Variants in OR2T6 observed in about 807,000 individuals in gnomAD.
OR2T6 encodes olfactory receptor 2T6.
For synonymous variants in OR2T6, 174 were observed against 148.0 expected, an observed-to-expected ratio of 1.18 and a Z score of -1.27; for missense variants, 424 against 391.6, an observed-to-expected ratio of 1.08 and a Z score of -0.70.
In OR2T6 at chr1:248,387,714, T is replaced by A; in HGVS notation, c.106T>A (p.Phe36Ile). The A allele has an allele frequency of 6.2e-7, 1 of 1,613,872 alleles. No individual in the cohort carries two copies. Among genetic ancestry groups the A allele is most frequent in the Non-Finnish European group, 8.5e-7 (1 of 1,179,850 alleles). The part of the protein sequence containing the change: ...FFFGVICAVF[F>I]MAMIANGVMI... ...TTTCGGTGTCATTTGTGCCGTCTTC[T>A]TCATGGCCATGATAGCTAATGGGGT... is the stretch of plus-strand genomic sequence containing the variant. Residue 36 changes from phenylalanine to isoleucine, a missense_variant, in exon 3 of 3, where the codon TTC (phenylalanine) becomes ATC (isoleucine). Physicochemically the swap from Phe to Ile is conservative, Grantham distance 21. Transcript: ENST00000641644.
chr1:248,379,110 G>A (rs1052225796), intron 1 of OR2T6, among the ~76,000 whole-genome samples: 2 of 152,166 alleles, frequency 1.3e-5, no homozygotes, highest in Admixed American at 6.6e-5. Flanking sequence ...AAAAGGTTGA[G>A]GCTACAATGA....
intron 2 of OR2T6, among the ~76,000 whole-genome samples, chr1:248,386,065 C>T (rs1351625378): frequency 1.3e-5 from 2 of 152,108 alleles, no homozygotes; most frequent in Non-Finnish European, 2.9e-5. Context: ...ATTGAGCAAC[C>T]CCCTACTCCA....
chr1:248,387,827 C>T lies in OR2T6; in HGVS notation c.219C>T (p.Tyr73=), dbSNP rs61736241. The change falls in exon 3 of 3, where the codon TAC becomes TAT. Residue 73 remains tyrosine, a synonymous_variant. Transcript: ENST00000641644. ...ACCTCTCCGTCATTGACACATTATA[C>T]ATCTCCACCATTGTGCCCAAGATGC... ...LSHLSVIDTL[Y]ISTIVPKMLV... 3.9e-4 allele frequency: 626 copies of T among 1,605,588 alleles called. 5 individuals are homozygous for T. The African/African-American group carries it at 7.0e-3, about 18-fold the overall frequency.
intron 1 of OR2T6, among the ~76,000 whole-genome samples, chr1:248,377,396 C>T (rs972630663): frequency 6.6e-6 from 1 of 152,126 alleles, no homozygotes; most frequent in Admixed American, 6.5e-5. Flanking sequence ...GATGTATAGA[C>T]CACCTAATAC....
chr1:248,381,383 C>T (rs1040193910), intron 1 of OR2T6, among the ~76,000 whole-genome samples: 2 of 151,762 alleles, frequency 1.3e-5, no homozygotes, highest in African/African-American at 4.8e-5. Context: ...AGCCCTTTGC[C>T]CTGTATGTTC....
rs750244275 is a variant in OR2T6, at chr1:248,387,718, T to C, written c.110T>C (p.Met37Thr). The change falls in exon 3 of 3, where the codon ATG becomes ACG. Residue 37 changes from methionine (M) to threonine (T), a missense_variant. Physicochemically the swap from Met to Thr is moderately conservative, Grantham distance 81. Coordinates refer to ENST00000641644, the MANE Select transcript of OR2T6 (RefSeq NM_001005471.2). Reference sequence around the variant, plus strand: ...GGTGTCATTTGTGCCGTCTTCTTCATGGCCATGATAGCTAATGGGGTCATG... The same window carrying C: ...GGTGTCATTTGTGCCGTCTTCTTCACGGCCATGATAGCTAATGGGGTCATG... ...FFGVICAVFF[M>T]AMIANGVMIF... 1.9e-6 allele frequency: 3 copies of C among 1,613,764 alleles called. No individual in the cohort carries two copies. The highest frequency in any genetic ancestry group is 2.5e-6 in the Non-Finnish European group (3 of 1,179,826).
intron 1 of OR2T6, among the ~76,000 whole-genome samples, chr1:248,380,950 TTA>T (rs1370609704): frequency 6.6e-6 from 1 of 152,056 alleles, no homozygotes; most frequent in Non-Finnish European, 1.5e-5. Context: ...TTGCATTTTT[TTA>T]GTTTTCTTTT....
rs28421649 is a variant in OR2T6, at chr1:248,384,821, G to T, written c.-48G>T. ...AGTGGACAGAATAAATCTTCAGCCC[G>T]TTTTTCCCCTCACCACCTGATCCAC... is the stretch of plus-strand genomic sequence containing the variant. On this transcript the variant is annotated 5_prime_UTR_variant, in exon 2 of 3. Coordinates refer to ENST00000641644, the MANE Select transcript of OR2T6 (RefSeq NM_001005471.2). 1.5e-5 allele frequency: 2 copies of T among 129,326 alleles called. No individual in the cohort carries two copies. Among genetic ancestry groups the T allele is most frequent in the East Asian group, 1.9e-4 (1 of 5,150 alleles). 8.0% of individuals were successfully genotyped at this position (129,326 alleles called of 1,614,324 possible). A position where few individuals can be genotyped will look rare whatever the true frequency, so the allele number is the denominator to read the frequency against.
In OR2T6 at chr1:248,391,439, A is replaced by AGC. The variant is rs1210956875; in HGVS notation, c.*2905_*2906insCG. 2.0e-5 allele frequency: 3 copies of AGC among 152,200 alleles called. No homozygotes were observed. The highest frequency in any genetic ancestry group is 2.9e-5 in the Non-Finnish European group (2 of 68,056). The allele number at this position is 152,200 out of a possible 1,614,324, so 9.4% of individuals were successfully genotyped here. On this transcript the variant is annotated 3_prime_UTR_variant, in exon 3 of 3. Coordinates refer to ENST00000641644, the MANE Select transcript of OR2T6 (RefSeq NM_001005471.2). ...AAACTGTGGATACAGGAAAAAGATA[A>AGC]GTGTTGCAAGGGGTCTGGGGGAAGT...
In OR2T6 at chr1:248,388,654, C is replaced by T. The variant is rs28437787; in HGVS notation, c.*119C>T. On this transcript the variant is annotated 3_prime_UTR_variant, in exon 3 of 3. Transcript: ENST00000641644. Reference sequence around the variant, plus strand: ...ATGATGCTGACAGGAACTTTCAATACCAGCTGTGCTAAATGGTGTATCAAC... The same window carrying T: ...ATGATGCTGACAGGAACTTTCAATATCAGCTGTGCTAAATGGTGTATCAAC... 1 of 704,080 alleles carries T rather than the reference C, an allele frequency of 1.4e-6. No homozygotes were observed. Among genetic ancestry groups the T allele is most frequent in the African/African-American group, 1.8e-5 (1 of 56,430 alleles). 43.6% of individuals were successfully genotyped at this position (704,080 alleles called of 1,614,324 possible).
rs764044764 is a variant in OR2T6, at chr1:248,388,033, G to A, written c.425G>A (p.Trp142Ter). ...YPVLISWRVC[W>*]MILASSWFGG... ...GTCCTCATCAGCTGGCGGGTCTGCT[G>A]GATGATCCTGGCCAGCTCTTGGTTC... Residue 142 changes from tryptophan (W) to a stop codon, truncating the protein, a stop_gained, in exon 3 of 3, where the codon TGG becomes TAG. Coordinates refer to ENST00000641644, the MANE Select transcript of OR2T6 (RefSeq NM_001005471.2). LOFTEE classifies it low-confidence loss of function (END_TRUNC). The A allele has an allele frequency of 3.1e-6, 5 of 1,613,848 alleles. No individual in the cohort carries two copies. The South Asian group carries it at 5.5e-5, about 18-fold the overall frequency.
At chr1:248,379,274 A>G (rs966584552) in intron 1 of OR2T6, among the ~76,000 whole-genome samples, 1 of 152,204 alleles carries the variant, frequency 6.6e-6, no homozygotes, top group African/African-American at 2.4e-5. Context: ...TGACATTGTT[A>G]TTAAAACCAT....
Position 248,390,833 on chromosome 1 carries a change from A to G in OR2T6, c.*2298A>G, listed in dbSNP as rs367691639. 1.2e-4 allele frequency: 18 copies of G among 152,244 alleles called. No individual in the cohort carries two copies. Among genetic ancestry groups the G allele is most frequent in the African/African-American group, 4.1e-4 (17 of 41,470 alleles). 9.4% of individuals were successfully genotyped at this position (152,244 alleles called of 1,614,324 possible). A position where few individuals can be genotyped will look rare whatever the true frequency, so the allele number is the denominator to read the frequency against. The stretch of plus-strand genomic sequence containing the variant: ...CACCATGTGAATTTCTGTCAATCAT[A>G]CAATGCTTCTGAGGACCAACTTTCT... On this transcript the variant is annotated 3_prime_UTR_variant, in exon 3 of 3. Transcript: ENST00000641644.
At chr1:248,380,330 T>C (rs1360049197) in intron 1 of OR2T6, among the ~76,000 whole-genome samples, 1 of 152,050 alleles carries the variant, frequency 6.6e-6, no homozygotes, top group African/African-American at 2.4e-5. Context: ...TTGGATCATT[T>C]TTCTTACTTT....
At chr1:248,387,116 T>C (rs944878591) in intron 2 of OR2T6, among the ~76,000 whole-genome samples, 1 of 152,214 alleles carries the variant, frequency 6.6e-6, no homozygotes, top group Non-Finnish European at 1.5e-5. Context: ...CAGTTCAACA[T>C]AGTTTTCAGT....
intron 2 of OR2T6, among the ~76,000 whole-genome samples, chr1:248,385,444 A>T (rs982681870): frequency 6.6e-6 from 1 of 152,202 alleles, no homozygotes; most frequent in Non-Finnish European, 1.5e-5. Context: ...ACATCTTGAT[A>T]GTCACTGTTT....
At chr1:248,387,358 C>T (rs1661151462) in intron 2 of OR2T6, among the ~76,000 whole-genome samples, 1 of 152,158 alleles carries the variant, frequency 6.6e-6, no homozygotes, top group African/African-American at 2.4e-5. Flanking sequence ...CTCCCTTAAG[C>T]CAAGTATCAA....
At chr1:248,377,716 C>A (rs1660959209) in intron 1 of OR2T6, among the ~76,000 whole-genome samples, 1 of 152,144 alleles carries the variant, frequency 6.6e-6, no homozygotes, top group South Asian at 2.1e-4. Flanking sequence ...AATAAATAAT[C>A]AGATTCACGG....
chr1:248,377,988 A>G (rs1263530516), intron 1 of OR2T6, among the ~76,000 whole-genome samples: 1 of 152,234 alleles, frequency 6.6e-6, no homozygotes, highest in Non-Finnish European at 1.5e-5. Flanking sequence ...ACCATTATCA[A>G]TGAGTATAAT....
Sources: allele counts gnomAD v4.1 joint callset (sites outside exome capture counted in the v4.1 genomes callset), GRCh38; gene constraint gnomAD v4.1.1; transcripts MANE v1.5; gene names NCBI Gene and HGNC (gene_info 2026-07-23, HGNC 2026-07-21).